Variants in NMNAT2 observed in about 807,000 individuals in gnomAD.
NMNAT2 encodes nicotinamide nucleotide adenylyltransferase 2.
A neutral mutation model predicts 41.6 loss-of-function variants in NMNAT2; 11 were observed. The ratio of observed to expected loss-of-function variants is 0.26; its 90% CI spans 0.17 to 0.44. NMNAT2 has a LOEUF of 0.44. NMNAT2 is among the 20% of genes least tolerant of loss of function. The pLI, the probability that NMNAT2 is intolerant of heterozygous loss-of-function variation, is 1.00. For missense variants in NMNAT2, 288 were observed against 407.7 expected, an observed-to-expected ratio of 0.71 and a Z score of 2.53; for synonymous variants, 148 against 151.2, an observed-to-expected ratio of 0.98 and a Z score of 0.16.
At chr1:183,363,365 G>A (rs1663344794) in intron 1 of NMNAT2, among the ~76,000 whole-genome samples, 1 of 152,170 alleles carries the variant, frequency 6.6e-6, no homozygotes, top group Non-Finnish European at 1.5e-5. Flanking sequence ...AGTGAATAAA[G>A]CATCAAACAC....
chr1:183,257,435 T>A (rs775946437), intron 10 of NMNAT2, among the ~76,000 whole-genome samples: 16 of 152,136 alleles, frequency 1.1e-4, no homozygotes, highest in Non-Finnish European at 2.1e-4. Flanking sequence ...AGTGAGACTC[T>A]GTCTAAAAAA....
intron 10 of NMNAT2, among the ~76,000 whole-genome samples, chr1:183,258,973 C>A (rs899338892): frequency 7.2e-5 from 11 of 152,162 alleles, no homozygotes; most frequent in Non-Finnish European, 1.3e-4. Flanking sequence ...CCCGCACAGC[C>A]GGCTCTGCGT....
intron 1 of NMNAT2, among the ~76,000 whole-genome samples, chr1:183,393,536 G>A (rs1365341376): frequency 6.6e-6 from 1 of 151,978 alleles, no homozygotes; most frequent in Non-Finnish European, 1.5e-5. Flanking sequence ...ACAGAATCTG[G>A]AAACTTCACT....
chr1:183,361,284 A>T (rs1663303026), intron 1 of NMNAT2, among the ~76,000 whole-genome samples: 1 of 152,172 alleles, frequency 6.6e-6, no homozygotes, highest in Non-Finnish European at 1.5e-5. Context: ...TGTGGTCCAC[A>T]CTTGGCAAGC....
At chr1:183,390,652 T>C (rs779259707) in intron 1 of NMNAT2, among the ~76,000 whole-genome samples, 4 of 152,194 alleles carry the variant, frequency 2.6e-5, no homozygotes, top group Non-Finnish European at 5.9e-5. Flanking sequence ...CCTGGTGAGA[T>C]AAACCAAAGT....
intron 1 of NMNAT2, among the ~76,000 whole-genome samples, chr1:183,340,374 G>A (rs1010238192): frequency 2.7e-5 from 4 of 146,666 alleles, no homozygotes. Context: ...CCAGGCTAGA[G>A]TGCAGTGGCG....
At chr1:183,334,052 G>A (rs1265922817) in intron 1 of NMNAT2, among the ~76,000 whole-genome samples, 1 of 152,184 alleles carries the variant, frequency 6.6e-6, no homozygotes, top group Non-Finnish European at 1.5e-5. Flanking sequence ...AAATGTGCAC[G>A]ATGCCTCTTC....
In NMNAT2 at chr1:183,286,796, G is replaced by A. The variant is rs200710733; in HGVS notation, c.322-8C>T. The A allele has an allele frequency of 2.1e-4, 338 of 1,605,898 alleles. 1 individual carries two copies. Among genetic ancestry groups the A allele is most frequent in the Non-Finnish European group, 2.7e-4 (323 of 1,176,778 alleles). On this transcript the variant is annotated splice_region_variant and splice_polypyrimidine_tract_variant and intron_variant, in intron 4 of 10. Coordinates refer to ENST00000287713, the MANE Select transcript of NMNAT2 (RefSeq NM_015039.4). ...GATGCAGCCAGTCACCCTCTAGGGAGAGAGAGAAGAGTGTTATTAGTCATG... is the reference window on the plus strand; with the variant it reads ...GATGCAGCCAGTCACCCTCTAGGGAAAGAGAGAAGAGTGTTATTAGTCATG...
intron 1 of NMNAT2, among the ~76,000 whole-genome samples, chr1:183,330,367 G>A (rs1330224): frequency 0.45 from 68,141 of 152,078 alleles, 16,285 homozygotes; most frequent in East Asian, 0.78. Context: ...ATCCTGAGAC[G>A]TCAATTGAGC....
At chr1:183,339,586 A>G (rs1662751675) in intron 1 of NMNAT2, among the ~76,000 whole-genome samples, 1 of 152,196 alleles carries the variant, frequency 6.6e-6, no homozygotes, top group Non-Finnish European at 1.5e-5. Context: ...TCTGAGCTCC[A>G]GTGTCCTCGT....
At chr1:183,259,634 C>T (rs947504102) in intron 10 of NMNAT2, among the ~76,000 whole-genome samples, 12 of 152,080 alleles carry the variant, frequency 7.9e-5, no homozygotes, top group Non-Finnish European at 1.3e-4. Flanking sequence ...GGGTCTCACT[C>T]TGTCACCCAG....
intron 1 of NMNAT2, among the ~76,000 whole-genome samples, chr1:183,350,358 G>C (rs767684771): frequency 2.6e-5 from 4 of 152,158 alleles, no homozygotes; most frequent in African/African-American, 4.8e-5. Flanking sequence ...AGGAAAATTT[G>C]AGAGAAATCC....
At chr1:183,357,102 G>A (rs1036805072) in intron 1 of NMNAT2, among the ~76,000 whole-genome samples, 2 of 152,072 alleles carry the variant, frequency 1.3e-5, no homozygotes, top group African/African-American at 4.8e-5. Context: ...TGAGGTGGGG[G>A]GCAGAATGTG....
chr1:183,392,652 C>T (rs1279741742), intron 1 of NMNAT2, among the ~76,000 whole-genome samples: 1 of 152,216 alleles, frequency 6.6e-6, no homozygotes, highest in Non-Finnish European at 1.5e-5. Context: ...TCTCTTCCTC[C>T]GCTCCAAACA....
chr1:183,361,459 T>C (rs967241832), intron 1 of NMNAT2, among the ~76,000 whole-genome samples: 3 of 152,164 alleles, frequency 2.0e-5, no homozygotes, highest in African/African-American at 7.2e-5. Context: ...ATCTGTAAAA[T>C]GAAAAGACTA....
chr1:183,311,722 T>TACACACACACAC (rs61005402), intron 1 of NMNAT2, among the ~76,000 whole-genome samples: 1 of 144,206 alleles, frequency 6.9e-6, no homozygotes, highest in Non-Finnish European at 1.5e-5. Context: ...GTCCAGTCCC[T>TACACACACACAC]ACACACACAC....
chr1:183,369,566 C>T (rs1015102545), intron 1 of NMNAT2, among the ~76,000 whole-genome samples: 2 of 152,092 alleles, frequency 1.3e-5, no homozygotes, highest in African/African-American at 4.8e-5. Context: ...CATGAGCTAC[C>T]GCACCCAGCC....
At chr1:183,345,224 C>T (rs1346137340) in intron 1 of NMNAT2, among the ~76,000 whole-genome samples, 1 of 151,974 alleles carries the variant, frequency 6.6e-6, no homozygotes, top group Non-Finnish European at 1.5e-5. Context: ...CTCTTTTCAT[C>T]CACTACCTTC....
chr1:183,357,383 C>G (rs1268889524), intron 1 of NMNAT2, among the ~76,000 whole-genome samples: 2 of 151,790 alleles, frequency 1.3e-5, no homozygotes, highest in African/African-American at 4.8e-5. Context: ...GCGCCTGCCA[C>G]CACGCCCGGC....
Sources: allele counts gnomAD v4.1 joint callset (sites outside exome capture counted in the v4.1 genomes callset), GRCh38; gene constraint gnomAD v4.1.1; transcripts MANE v1.5; gene names NCBI Gene and HGNC (gene_info 2026-07-23, HGNC 2026-07-21).